Variants in DRC10 observed in about 807,000 individuals in gnomAD.
DRC10 encodes the protein IQ domain-containing protein D.
the DRC10 span, chr12:113,200,869 T>A: frequency 3.0e-6 from 4 of 1,328,612 alleles, no homozygotes; most frequent in Non-Finnish European, 4.0e-6. Context: ...CCGGGCACAG[T>A]GGCTCACGCC....
chr12:113,199,179 C>T, the DRC10 span, among the ~76,000 whole-genome samples: 7,517 of 152,168 alleles, frequency 0.049, 267 homozygotes, highest in Middle Eastern at 0.068. Flanking sequence ...TCAGGAGATC[C>T]GTCTGCCTCA....
chr12:113,213,100 G>A, the DRC10 span, among the ~76,000 whole-genome samples: 1 of 147,612 alleles, frequency 6.8e-6, no homozygotes, highest in African/African-American at 2.5e-5. Context: ...TTTTCCCCCT[G>A]GAGAGAAGGA....
At chr12:113,208,392 C>T in the DRC10 span, 16 of 1,337,284 alleles carry the variant, frequency 1.2e-5, no homozygotes, top group Non-Finnish European at 1.4e-5. Flanking sequence ...GAACCTTTCA[C>T]TGGAAGCAGT....
the DRC10 span, chr12:113,207,304 C>T: frequency 3.8e-6 from 3 of 791,034 alleles, no homozygotes; most frequent in South Asian, 4.2e-5. Context: ...GTCGAGATTA[C>T]ACCACTGCAC....
At chr12:113,206,732 G>A in the DRC10 span, among the ~76,000 whole-genome samples, 5 of 151,514 alleles carry the variant, frequency 3.3e-5, no homozygotes, top group Admixed American at 3.3e-4. Flanking sequence ...TTTAGCCTGG[G>A]TGACACAGCA....
chr12:113,208,066 A>C, the DRC10 span: 1 of 1,614,224 alleles, frequency 6.2e-7, no homozygotes, highest in Non-Finnish European at 8.5e-7. Context: ...CAAGGGTTTT[A>C]GTGGATCAGC....
At chr12:113,210,405 C>A in the DRC10 span, among the ~76,000 whole-genome samples, 2 of 152,002 alleles carry the variant, frequency 1.3e-5, no homozygotes, top group African/African-American at 4.8e-5. Flanking sequence ...TAGCACTAAC[C>A]CAGGAAAACG....
chr12:113,217,088 C>CA, the DRC10 span, among the ~76,000 whole-genome samples: 1 of 151,970 alleles, frequency 6.6e-6, no homozygotes, highest in Middle Eastern at 3.2e-3. Context: ...GGCTCTGTCT[C>CA]AAAAAAACAA....
chr12:113,204,731 C>G, the DRC10 span, among the ~76,000 whole-genome samples: 1 of 152,136 alleles, frequency 6.6e-6, no homozygotes, highest in Non-Finnish European at 1.5e-5. Context: ...AATTCAAGAA[C>G]AGCCTGGCCA....
the DRC10 span, among the ~76,000 whole-genome samples, chr12:113,203,238 T>C: frequency 6.6e-6 from 1 of 152,102 alleles, no homozygotes; most frequent in Non-Finnish European, 1.5e-5. Flanking sequence ...TTGCCCAGGC[T>C]GGTCTCAAAC....
chr12:113,200,465 C>G, the DRC10 span: 1 of 864,854 alleles, frequency 1.2e-6, no homozygotes, highest in East Asian at 2.6e-5. Context: ...TCCTGAGTAG[C>G]TGGTGCAGTC....
chr12:113,200,353 C>A, the DRC10 span: 1 of 681,504 alleles, frequency 1.5e-6, no homozygotes, highest in Admixed American at 2.0e-5. Context: ...AGTTTGTCCC[C>A]TGTCCCCAGG....
the DRC10 span, among the ~76,000 whole-genome samples, chr12:113,219,405 C>G: frequency 1.3e-5 from 2 of 152,306 alleles, no homozygotes; most frequent in South Asian, 4.1e-4. Context: ...TTCTGCTGTA[C>G]CTACCGGCAA....
chr12:113,205,885 A>C, the DRC10 span, among the ~76,000 whole-genome samples: 2 of 141,608 alleles, frequency 1.4e-5, no homozygotes, highest in African/African-American at 5.3e-5. Flanking sequence ...CCTGGGCGAC[A>C]GAGCGAGACT....
At chr12:113,197,352 C>T in the DRC10 span, among the ~76,000 whole-genome samples, 2 of 152,058 alleles carry the variant, frequency 1.3e-5, no homozygotes, top group East Asian at 3.9e-4. Flanking sequence ...GCTTCTGGCT[C>T]TTTTCTTTCC....
chr12:113,200,841 T>A, the DRC10 span: 1 of 1,483,990 alleles, frequency 6.7e-7, no homozygotes, highest in Admixed American at 2.1e-5. Context: ...AGGGCTCCGT[T>A]AATACCTCCA....
the DRC10 span, chr12:113,195,714 G>A: frequency 6.2e-7 from 1 of 1,613,766 alleles, no homozygotes; most frequent in East Asian, 2.2e-5. Flanking sequence ...GATGAGCGTG[G>A]CCGCCCGTAC....
the DRC10 span, chr12:113,197,502 G>GT: frequency 1.0e-5 from 14 of 1,396,752 alleles, no homozygotes; most frequent in Non-Finnish European, 1.3e-5. Flanking sequence ...GAAGGTCTTG[G>GT]GAAAAGCATG....
At chr12:113,195,915 C>A in the DRC10 span, 6 of 1,575,856 alleles carry the variant, frequency 3.8e-6, no homozygotes, top group Non-Finnish European at 5.2e-6. Flanking sequence ...GGGCTGGGGT[C>A]ACCACACATA....
Sources: allele counts gnomAD v4.1 joint callset (sites outside exome capture counted in the v4.1 genomes callset), GRCh38; gene constraint gnomAD v4.1.1; transcripts MANE v1.5; gene names NCBI Gene and HGNC (gene_info 2026-07-23, HGNC 2026-07-21).